MRC1: variants seen among roughly 807,000 people sequenced by gnomAD.
MRC1 encodes mannose receptor C-type 1, also known as macrophage mannose receptor 1.
A neutral mutation model predicts 102.9 loss-of-function variants in MRC1; 62 were observed. That is an observed-to-expected ratio of 0.60 (90% confidence interval 0.49 to 0.74). The LOEUF (loss-of-function observed/expected upper bound fraction) is 0.74. MRC1 is among the 30% of genes least tolerant of loss of function. The pLI is 0.00. For synonymous variants in MRC1, 457 were observed against 298.4 expected (o/e 1.53, Z -5.48); for missense variants, 1,237 against 862.8 (o/e 1.43, Z -5.43).
intron 22 of MRC1, among the ~76,000 whole-genome samples, chr10:17,891,634 T>A (rs1379822266): frequency 1.3e-5 from 2 of 152,182 alleles, no homozygotes; most frequent in Admixed American, 1.3e-4. Context: ...GCTGACGTAG[T>A]GGATAAAGGG....
At chr10:17,887,457 G>C (rs1483226507) in intron 22 of MRC1, among the ~76,000 whole-genome samples, 1 of 152,166 alleles carries the variant, frequency 6.6e-6, no homozygotes, top group Non-Finnish European at 1.5e-5. Context: ...ATTTTCTGTG[G>C]AGAAATTCTT....
At chr10:17,812,989 G>T (rs116091348) in intron 1 of MRC1, among the ~76,000 whole-genome samples, 2,177 of 152,134 alleles carry the variant, frequency 0.014, 55 homozygotes, top group African/African-American at 0.049. Flanking sequence ...TAGAACATCT[G>T]CAAAAAATGA....
intron 9 of MRC1, among the ~76,000 whole-genome samples, chr10:17,857,683 G>A (rs1281148248): frequency 3.3e-5 from 5 of 152,134 alleles, no homozygotes; most frequent in Admixed American, 1.3e-4. Context: ...TTTCCTTACC[G>A]GGCTGGGAAG....
intron 1 of MRC1, among the ~76,000 whole-genome samples, chr10:17,822,072 T>C (rs1261520046): frequency 6.6e-6 from 1 of 152,184 alleles, no homozygotes; most frequent in South Asian, 2.1e-4. Flanking sequence ...TACCAGATCC[T>C]TTTTTCCTCT....
intron 21 of MRC1, among the ~76,000 whole-genome samples, chr10:17,883,778 A>G: frequency 6.6e-6 from 1 of 152,192 alleles, no homozygotes; most frequent in Non-Finnish European, 1.5e-5. Context: ...TTAATGACTC[A>G]GGTGGTGGTG....
At chr10:17,878,876 G>A (rs1201388672) in intron 18 of MRC1, among the ~76,000 whole-genome samples, 1 of 152,108 alleles carries the variant, frequency 6.6e-6, no homozygotes, top group Non-Finnish European at 1.5e-5. Context: ...CTTTGGACAA[G>A]GAACGCCATT....
intron 2 of MRC1, among the ~76,000 whole-genome samples, chr10:17,826,333 G>A (rs1184236148): frequency 6.6e-6 from 1 of 152,154 alleles, no homozygotes; most frequent in Non-Finnish European, 1.5e-5. Context: ...CTCCTGAGTA[G>A]TTGGGATTAC....
intron 9 of MRC1, among the ~76,000 whole-genome samples, chr10:17,858,093 G>T (rs1383119029): frequency 6.6e-6 from 1 of 152,116 alleles, no homozygotes; most frequent in Non-Finnish European, 1.5e-5. Context: ...GTTTTAAAAT[G>T]TTTACAGAAA....
chr10:17,823,471 T>C lies in MRC1; in HGVS notation c.459T>C (p.Tyr153=), dbSNP rs782458829. The change falls in exon 2 of 30, where the codon TAT becomes TAC. Residue 153 remains tyrosine, a synonymous_variant. Transcript: ENST00000569591. ...GTTDNLCSRG[Y]EAMYTLLGNA... ...CAGACAATCTGTGCTCCAGAGGTTA[T>C]GAAGGTAAGATGCCTGGAATTTTCA... The C allele has an allele frequency of 1.2e-5, 9 of 780,762 alleles. No individual in the cohort carries two copies. The highest frequency in any genetic ancestry group is 2.2e-5 in the Non-Finnish European group (9 of 417,960). 48.4% of individuals were successfully genotyped at this position (780,762 alleles called of 1,614,324 possible).
intron 1 of MRC1, among the ~76,000 whole-genome samples, chr10:17,819,246 T>A (rs1838359483): frequency 6.6e-6 from 1 of 152,090 alleles, no homozygotes; most frequent in South Asian, 2.1e-4. Flanking sequence ...ACCTATTATA[T>A]TAGGTAGGTT....
Position 17,866,777 on chromosome 10 carries a change from A to G in MRC1, c.1983+16A>G. 1.3e-6 allele frequency: 1 copy of G among 780,840 alleles called. No individual in the cohort carries two copies. The highest frequency in any genetic ancestry group is 2.4e-6 in the Non-Finnish European group (1 of 417,950). The allele number at this position is 780,840 out of a possible 1,614,324, so 48.4% of individuals were successfully genotyped here. A position where few individuals can be genotyped will look rare whatever the true frequency, so the allele number is the denominator to read the frequency against. ...GTGTTTCAAGGTGAGTATCAGTTAT[A>G]AAGCTGGTAAGAGAATCTGGAGTAT... On this transcript the variant is annotated intron_variant, in intron 12 of 29. Coordinates refer to ENST00000569591, the MANE Select transcript of MRC1 (RefSeq NM_002438.4).
rs2130681280 is a variant in MRC1 at position 17,874,353 on chromosome 10, C to A, written c.2386+528C>A. 2.0e-5 allele frequency among the ~76,000 whole-genome samples: 3 copies of A among 152,294 alleles called. No homozygotes were observed. In the Middle Eastern group the frequency reaches 0.01, roughly 518 times the overall value. On this transcript the variant is annotated intron_variant, in intron 16 of 29. Coordinates refer to ENST00000569591, the MANE Select transcript of MRC1 (RefSeq NM_002438.4). ...AAAACCAGCAATGTAGCATCTTCTT[C>A]CAGTGATCACATTGCCTCCTTCTCT...
At chr10:17,855,701 A>T (rs1053661682) in intron 8 of MRC1, among the ~76,000 whole-genome samples, 2 of 152,122 alleles carry the variant, frequency 1.3e-5, no homozygotes, top group Admixed American at 6.5e-5. Flanking sequence ...CATCTCAGAT[A>T]TAAAATCATA....
At chr10:17,887,213 C>A (rs1288898555) in intron 22 of MRC1, among the ~76,000 whole-genome samples, 2 of 152,082 alleles carry the variant, frequency 1.3e-5, no homozygotes, top group Non-Finnish European at 2.9e-5. Context: ...CAGGGAGAAA[C>A]CCCGTCTCTA....
chr10:17,818,956 C>T (rs1455568057), intron 1 of MRC1, among the ~76,000 whole-genome samples: 1 of 152,036 alleles, frequency 6.6e-6, no homozygotes, highest in Non-Finnish European at 1.5e-5. Flanking sequence ...GCAGACAGGT[C>T]ACTGTTCCCT....
chr10:17,824,144 G>A (rs1018243489), intron 2 of MRC1, among the ~76,000 whole-genome samples: 3 of 152,160 alleles, frequency 2.0e-5, no homozygotes, highest in African/African-American at 4.8e-5. Flanking sequence ...ACCTCTTGAA[G>A]GTTAAATAAA....
At chr10:17,876,073 G>A (rs2130683922) in intron 17 of MRC1, among the ~76,000 whole-genome samples, 1 of 152,238 alleles carries the variant, frequency 6.6e-6, no homozygotes, top group East Asian at 1.9e-4. Flanking sequence ...ACAGTGACAT[G>A]TGATAAACAA....
chr10:17,848,540 T>A (rs1172566236), intron 6 of MRC1, among the ~76,000 whole-genome samples: 3 of 152,294 alleles, frequency 2.0e-5, no homozygotes, highest in Admixed American at 2.0e-4. Context: ...AGGCTGAGGA[T>A]GTTGACAGCT....
Position 17,809,387 on chromosome 10 carries a change from C to T in MRC1, c.-79C>T, listed in dbSNP as rs1026236050. 1,081 of 851,012 alleles carry T rather than the reference C, an allele frequency of 1.3e-3. No homozygotes were observed. The highest frequency in any genetic ancestry group is 2.0e-3 in the Non-Finnish European group (976 of 482,038). The allele number at this position is 851,012 out of a possible 1,614,324, so 52.7% of individuals were successfully genotyped here. A position where few individuals can be genotyped will look rare whatever the true frequency, so the allele number is the denominator to read the frequency against. ...TGGGAACTTGGATTAGGTGGAGAGG[C>T]AGTTGGGGGGCCTCGTTGTTTTGCG... On this transcript the variant is annotated 5_prime_UTR_variant, in exon 1 of 30. Transcript: ENST00000569591.
Sources: allele counts gnomAD v4.1 joint callset (sites outside exome capture counted in the v4.1 genomes callset), GRCh38; gene constraint gnomAD v4.1.1; transcripts MANE v1.5; gene names NCBI Gene and HGNC (gene_info 2026-07-23, HGNC 2026-07-21).